The following CPNE5 variants were observed in gnomAD, a reference collection of about 807,000 sequenced individuals.
CPNE5 encodes the protein copine-5.
Under a neutral mutation model 81.1 loss-of-function variants are expected in CPNE5, and 42 were observed. The observed-to-expected ratio is 0.52, with a 90% CI of 0.40 to 0.67. CPNE5 has a LOEUF of 0.67. Ranked by LOEUF, CPNE5 falls within the 30% of genes least tolerant of loss-of-function variation. The probability of loss-of-function intolerance (pLI) is 0.00; values close to 1 mark genes in which losing one functional copy is unlikely to be tolerated. For synonymous variants in CPNE5, 313 were observed against 321.5 expected (o/e 0.97, Z 0.28); for missense variants, 612 against 815.5 (o/e 0.75, Z 3.04).
At chr6:36,755,979 C>T in intron 13 of CPNE5, 1 of 509,736 alleles carries the variant, frequency 2.0e-6, no homozygotes, top group Non-Finnish European at 3.4e-6. Flanking sequence ...TTCTCTTCCT[C>T]TTCCTTCCTG....
intron 8 of CPNE5, among the ~76,000 whole-genome samples, chr6:36,783,016 G>A (rs956635475): frequency 3.3e-5 from 5 of 152,252 alleles, no homozygotes; most frequent in Non-Finnish European, 5.9e-5. Context: ...TGGAGAAGGC[G>A]AAAGGAGATG....
chr6:36,790,655 G>A (rs1226668897), intron 8 of CPNE5, among the ~76,000 whole-genome samples: 1 of 152,058 alleles, frequency 6.6e-6, no homozygotes, highest in African/African-American at 2.4e-5. Flanking sequence ...GGAGTGCAGA[G>A]GAGCCGAGAT....
In CPNE5 at chr6:36,743,701, G is replaced by C; in HGVS notation, c.1551C>G (p.Arg517=). ...RISSRGKLAE[R]DIVQFVPFRD... is the part of the protein sequence containing the mutation. ...GCCTGGGCTTCACCTGGACGATGTC[G>C]CGTTCAGCCAGCTTCCCCCGGGAGG... The change falls in exon 20 of 21, where the codon CGC becomes CGG. Residue 517 remains arginine (R), a synonymous_variant. Transcript: ENST00000244751. The C allele has an allele frequency of 6.2e-7, 1 of 1,613,424 alleles. No individual in the cohort carries two copies. The highest frequency in any genetic ancestry group is 1.1e-5 in the South Asian group (1 of 91,072).
intron 13 of CPNE5, chr6:36,755,860 G>A: frequency 4.4e-6 from 1 of 228,724 alleles, no homozygotes; most frequent in Non-Finnish European, 8.6e-6. Context: ...TGCAGCCTTG[G>A]TTTCCTCTTT....
chr6:36,803,403 C>A (rs1345686722), intron 3 of CPNE5, among the ~76,000 whole-genome samples: 3 of 152,156 alleles, frequency 2.0e-5, no homozygotes, highest in Admixed American at 6.5e-5. Flanking sequence ...TGATAATGAT[C>A]TACTGAGTCT....
At chr6:36,781,750 A>C (rs1416889452) in intron 8 of CPNE5, among the ~76,000 whole-genome samples, 1 of 152,178 alleles carries the variant, frequency 6.6e-6, no homozygotes, top group Non-Finnish European at 1.5e-5. Context: ...GTTCAAAAAC[A>C]ATCAGGAGAT....
chr6:36,785,935 C>A (rs2150489657), intron 8 of CPNE5, among the ~76,000 whole-genome samples: 1 of 150,068 alleles, frequency 6.7e-6, no homozygotes, highest in Admixed American at 6.6e-5. Context: ...ATTGCTTGAA[C>A]CCGGGAGGAG....
intron 2 of CPNE5, among the ~76,000 whole-genome samples, chr6:36,822,556 G>A (rs1333869755): frequency 2.6e-5 from 4 of 152,156 alleles, no homozygotes; most frequent in Admixed American, 2.6e-4. Context: ...AAGCAGAGGT[G>A]TGGTGGGGGA....
intron 14 of CPNE5, among the ~76,000 whole-genome samples, chr6:36,748,867 A>C (rs1233987892): frequency 7.2e-5 from 11 of 152,144 alleles, no homozygotes; most frequent in Non-Finnish European, 1.2e-4. Flanking sequence ...AACTCTGTAG[A>C]AGCACTACCA....
chr6:36,792,684 C>T (rs531571041), intron 7 of CPNE5, among the ~76,000 whole-genome samples: 12 of 152,302 alleles, frequency 7.9e-5, no homozygotes, highest in African/African-American at 2.9e-4. Flanking sequence ...TGCAGCTCCC[C>T]AGTGAAGTGG....
At chr6:36,790,501 C>T (rs1768987086) in intron 8 of CPNE5, among the ~76,000 whole-genome samples, 1 of 152,292 alleles carries the variant, frequency 6.6e-6, no homozygotes, top group East Asian at 1.9e-4. Flanking sequence ...TCCATTAAGT[C>T]AGACGTTAAA....
chr6:36,795,417 G>T (rs1340921014), intron 6 of CPNE5, among the ~76,000 whole-genome samples: 1 of 152,208 alleles, frequency 6.6e-6, no homozygotes, highest in Non-Finnish European at 1.5e-5. Flanking sequence ...GACCTCAGGT[G>T]ATCTGCCCAC....
chr6:36,799,592 G>A (rs971825561), intron 4 of CPNE5, among the ~76,000 whole-genome samples: 3 of 152,118 alleles, frequency 2.0e-5, no homozygotes, highest in East Asian at 1.9e-4. Context: ...CCCAGAACAC[G>A]CTTAGATGGA....
At chr6:36,789,216 C>T (rs1415211089) in intron 8 of CPNE5, among the ~76,000 whole-genome samples, 5 of 152,158 alleles carry the variant, frequency 3.3e-5, no homozygotes, top group African/African-American at 9.7e-5. Flanking sequence ...TCCCTGCCCC[C>T]GACATAGACC....
Position 36,753,095 on chromosome 6 carries a change from C to A in CPNE5, c.910G>T (p.Val304Phe). 1 of 1,612,732 alleles carries A rather than the reference C, an allele frequency of 6.2e-7. No individual in the cohort carries two copies. Among genetic ancestry groups the A allele is most frequent in the Non-Finnish European group, 8.5e-7 (1 of 1,178,900 alleles). The change falls in exon 14 of 21, where the codon GTC becomes TTC. Residue 304 changes from valine to phenylalanine, a missense_variant and splice_region_variant. Physicochemically the swap from Val to Phe is conservative, Grantham distance 50. Transcript: ENST00000244751. ...KKKKYVNSGT[V>F]TLLSFAVESE... is the part of the protein sequence containing the mutation. ...TCCACAGCAAAGGAAAGCAGGGTGACCTTCAAAACAAAAGGGAGCTTGGTC... is the reference window on the plus strand; with the variant it reads ...TCCACAGCAAAGGAAAGCAGGGTGAACTTCAAAACAAAAGGGAGCTTGGTC...
rs377089155 is a variant in CPNE5, at chr6:36,766,223, G to A, written c.738-847C>T. 2.6e-5 allele frequency among the ~76,000 whole-genome samples: 4 copies of A among 152,138 alleles called. No individual in the cohort carries two copies. The highest frequency in any genetic ancestry group is 9.7e-5 in the African/African-American group (4 of 41,420). On this transcript the variant is annotated intron_variant, in intron 10 of 20. Transcript: ENST00000244751. The surrounding 1 kb of genome is among the most constrained non-coding windows in gnomAD (Gnocchi z 4.2). ...TTCAGCCTTCAGTTCTTAGTGGGGT[G>A]CAGAGAGGCAGCTCCCCGGGCCTAT...
intron 8 of CPNE5, among the ~76,000 whole-genome samples, chr6:36,788,135 A>T (rs1259283704): frequency 6.9e-6 from 1 of 145,800 alleles, no homozygotes; most frequent in Non-Finnish European, 1.5e-5. Context: ...AGCTCAAGTG[A>T]CCCTCCTACC....
At chr6:36,784,864 A>C (rs6920224) in intron 8 of CPNE5, among the ~76,000 whole-genome samples, 28,387 of 151,560 alleles carry the variant, frequency 0.19, 2,852 homozygotes, top group East Asian at 0.33. Flanking sequence ...GATTGAGCCC[A>C]AGAGGTGGAG....
At chr6:36,780,824 T>C (rs1767979747) in intron 8 of CPNE5, among the ~76,000 whole-genome samples, 1 of 152,208 alleles carries the variant, frequency 6.6e-6, no homozygotes, top group South Asian at 2.1e-4. Flanking sequence ...ACACCCCTTA[T>C]CATATTTAGT....
Sources: gnomAD v4.1 joint callset for allele counts (sites outside exome capture counted in the v4.1 genomes callset) on GRCh38, gnomAD v4.1.1 for gene constraint, Gnocchi (gnomAD v3.1) non-coding constraint, MANE v1.5 for transcripts, NCBI Gene and HGNC (gene_info 2026-07-23, HGNC 2026-07-21) for gene names.